The following PAPPA2 variants were observed in gnomAD, a reference collection of about 807,000 sequenced individuals.
PAPPA2 encodes the protein pappalysin 2.
A neutral mutation model predicts 176.4 loss-of-function variants in PAPPA2; 86 were observed. The ratio of observed to expected loss-of-function variants is 0.49; its 90% CI spans 0.41 to 0.58. The LOEUF is 0.58. Ranked by LOEUF, PAPPA2 falls within the 20% of genes least tolerant of loss-of-function variation. The probability of loss-of-function intolerance (pLI) is 0.00; values close to 1 mark genes in which losing one functional copy is unlikely to be tolerated. For synonymous variants in PAPPA2, 809 were observed against 852.2 expected (o/e 0.95, Z 0.88); for missense variants, 2,073 against 2,256.9 (o/e 0.92, Z 1.65).
chr1:176,469,846 G>A (rs1350172961), intron 1 of PAPPA2, among the ~76,000 whole-genome samples: 1 of 152,168 alleles, frequency 6.6e-6, no homozygotes, highest in Non-Finnish European at 1.5e-5. Flanking sequence ...AGGGCCACAA[G>A]CACGTGGTTC....
At chr1:176,582,756 G>T (rs954091512) in intron 2 of PAPPA2, among the ~76,000 whole-genome samples, 18 of 151,974 alleles carry the variant, frequency 1.2e-4, no homozygotes, top group African/African-American at 3.9e-4. Context: ...TGGTATTAGG[G>T]TTATGCTGGC....
chr1:176,704,556 C>A (rs996495896), intron 9 of PAPPA2, among the ~76,000 whole-genome samples: 2 of 152,030 alleles, frequency 1.3e-5, no homozygotes, highest in African/African-American at 2.4e-5. Context: ...TTAAAATATA[C>A]CAAATGCAAC....
chr1:176,810,545 A>C (rs1019852178), intron 21 of PAPPA2, among the ~76,000 whole-genome samples: 2 of 152,032 alleles, frequency 1.3e-5, no homozygotes, highest in African/African-American at 4.8e-5. Flanking sequence ...TGCCACCACA[A>C]ATTTTACAGG....
At chr1:176,650,894 T>A (rs115545167) in intron 3 of PAPPA2, among the ~76,000 whole-genome samples, 3,094 of 151,778 alleles carry the variant, frequency 0.02, 53 homozygotes, top group Non-Finnish European at 0.03. Flanking sequence ...TGTGGCCACA[T>A]GAGGCTTCAA....
At chr1:176,833,329 G>T (rs1385196511) in intron 21 of PAPPA2, among the ~76,000 whole-genome samples, 1 of 152,218 alleles carries the variant, frequency 6.6e-6, no homozygotes, top group Non-Finnish European at 1.5e-5. Flanking sequence ...GCTACCTGCG[G>T]AGCATCATAA....
chr1:176,517,639 A>G (rs150629763), intron 1 of PAPPA2, among the ~76,000 whole-genome samples: 69 of 152,284 alleles, frequency 4.5e-4, no homozygotes, highest in South Asian at 1.7e-3. Flanking sequence ...ACTGTGAGGC[A>G]GGGCAAGATA....
intron 17 of PAPPA2, among the ~76,000 whole-genome samples, chr1:176,774,841 A>G (rs1394666229): frequency 6.6e-6 from 1 of 152,146 alleles, no homozygotes; most frequent in Non-Finnish European, 1.5e-5. Flanking sequence ...CTCCAGCCTC[A>G]TTGCTCACTA....
At chr1:176,822,309 G>A (rs754219862) in intron 21 of PAPPA2, among the ~76,000 whole-genome samples, 11 of 151,958 alleles carry the variant, frequency 7.2e-5, no homozygotes, top group Non-Finnish European at 1.6e-4. Flanking sequence ...CATCTCATTT[G>A]GTCATATATT....
chr1:176,789,708 C>G, intron 17 of PAPPA2, 101 bp from the exon 18 acceptor site: 3 of 1,329,022 alleles, frequency 2.3e-6, no homozygotes, highest in Non-Finnish European at 3.2e-6. Flanking sequence ...CCATCTGTCC[C>G]TGCCTATTTG....
chr1:176,770,427 C>T (rs1664172366), intron 16 of PAPPA2, among the ~76,000 whole-genome samples: 1 of 152,194 alleles, frequency 6.6e-6, no homozygotes, highest in African/African-American at 2.4e-5. Context: ...TTCATCCAAA[C>T]TGCCTCTGTT....
At chr1:176,707,658 C>T (rs1032942291) in intron 10 of PAPPA2, among the ~76,000 whole-genome samples, 9 of 151,978 alleles carry the variant, frequency 5.9e-5, no homozygotes, top group African/African-American at 9.7e-5. Context: ...CCCCTTTTTT[C>T]CAGTTCGAAA....
chr1:176,551,111 GATT>G (rs1301330605), intron 1 of PAPPA2, among the ~76,000 whole-genome samples: 1 of 152,180 alleles, frequency 6.6e-6, no homozygotes, highest in African/African-American at 2.4e-5. Context: ...GGCCGTAGTA[GATT>G]ACCCTGAAGG....
intron 1 of PAPPA2, among the ~76,000 whole-genome samples, chr1:176,548,426 G>C (rs1201152903): frequency 2.0e-5 from 3 of 152,136 alleles, no homozygotes; most frequent in Non-Finnish European, 4.4e-5. Context: ...ATTTCTTGGA[G>C]ACATTGGACC....
chr1:176,740,191 A>G lies in PAPPA2; in HGVS notation c.4146A>G (p.Gly1382=), dbSNP rs201479854. 132 of 1,613,236 alleles carry G rather than the reference A, an allele frequency of 8.2e-5. No homozygotes were observed. Among genetic ancestry groups the G allele is most frequent in the Middle Eastern group, 1.6e-4 (1 of 6,074 alleles). ...ISEDEGQNHQ[G]QSCIHRPCGK... is the part of the protein sequence containing the mutation. ...AGGACGAGGGGCAGAATCATCAGGG[A>G]CAGAGGTACAAACTTCCCTTTCTTT... Residue 1382 remains glycine (G), a synonymous_variant, in exon 14 of 23, where the codon GGA becomes GGG. Coordinates refer to ENST00000367662, the MANE Select transcript of PAPPA2 (RefSeq NM_020318.3).
Position 176,740,183 on chromosome 1 carries a change from C to T in PAPPA2, c.4138C>T (p.His1380Tyr), listed in dbSNP as rs367830774. The T allele has an allele frequency of 5.4e-5, 87 of 1,613,532 alleles. No homozygotes were observed. Among genetic ancestry groups the T allele is most frequent in the Non-Finnish European group, 7.2e-5 (85 of 1,179,744 alleles). Residue 1380 changes from histidine to tyrosine, a missense_variant, in exon 14 of 23, where the codon CAT (histidine) becomes TAT (tyrosine). By Grantham distance (83) the His-to-Tyr change is moderately conservative. This residue lies in a region of PAPPA2 where 846 missense variants were observed against 857.9 expected (regional missense o/e 0.99). Coordinates refer to ENST00000367662, the MANE Select transcript of PAPPA2 (RefSeq NM_020318.3). ...CATCTCAGAGGACGAGGGGCAGAAT[C>T]ATCAGGGACAGAGGTACAAACTTCC... ...NCISEDEGQNHQGQSCIHRPC... is the reference protein window; with the variant it reads ...NCISEDEGQNYQGQSCIHRPC...
At chr1:176,641,632 C>T (rs536307122) in intron 3 of PAPPA2, among the ~76,000 whole-genome samples, 89 of 151,930 alleles carry the variant, frequency 5.9e-4, no homozygotes, top group Non-Finnish European at 9.9e-4. Context: ...TGTGATGCCT[C>T]CAGCTTAGAT....
At chr1:176,536,212 T>C (rs1650058954) in intron 1 of PAPPA2, among the ~76,000 whole-genome samples, 1 of 152,216 alleles carries the variant, frequency 6.6e-6, no homozygotes, top group African/African-American at 2.4e-5. Context: ...TGTTTTCTTT[T>C]CTCTCTCTGG....
intron 3 of PAPPA2, among the ~76,000 whole-genome samples, chr1:176,632,159 G>T (rs1656373781): frequency 6.6e-6 from 1 of 152,076 alleles, no homozygotes; most frequent in African/African-American, 2.4e-5. Context: ...AAAGATGCTT[G>T]TTAGAGATAT....
intron 21 of PAPPA2, among the ~76,000 whole-genome samples, chr1:176,818,117 T>C (rs1020098661): frequency 6.6e-6 from 1 of 151,668 alleles, no homozygotes; most frequent in Non-Finnish European, 1.5e-5. Flanking sequence ...TGGTGAAGAG[T>C]GTTAAATGCT....
Sources: allele counts gnomAD v4.1 joint callset (sites outside exome capture counted in the v4.1 genomes callset), GRCh38; gene constraint gnomAD v4.1.1; regional missense constraint gnomAD v4.1.1; transcripts MANE v1.5; gene names NCBI Gene and HGNC (gene_info 2026-07-23, HGNC 2026-07-21).